Variants in NLRP5 observed in about 807,000 individuals in gnomAD.
NLRP5 encodes NACHT, LRR and PYD domains-containing protein 5.
A neutral mutation model predicts 113.1 loss-of-function variants in NLRP5; 93 were observed. The observed-to-expected ratio is 0.82, with a 90% CI of 0.70 to 0.98. The LOEUF (loss-of-function observed/expected upper bound fraction) is 0.98, where lower values mean the gene tolerates loss of function less well. Among genes scored for constraint, NLRP5 ranks in the 50% least tolerant of loss-of-function variants. The pLI, the probability that NLRP5 is intolerant of heterozygous loss-of-function variation, is 0.00. For synonymous variants in NLRP5, 751 were observed against 600.7 expected (o/e 1.25, Z -3.66); for missense variants, 1,808 against 1,514.3 (o/e 1.19, Z -3.22).
intron 12 of NLRP5, 130 bp downstream of exon 12, chr19:56,050,718 A>C (rs1404448057): frequency 2.4e-5 from 20 of 835,126 alleles, no homozygotes; most frequent in Non-Finnish European, 2.6e-5. Context: ...TCATTTTTCC[A>C]AGGGCAATCT....
intron 10 of NLRP5, 39 bp from the exon 11 acceptor site, chr19:56,040,883 G>A: frequency 6.4e-7 from 1 of 1,556,164 alleles, no homozygotes; most frequent in East Asian, 2.3e-5. Context: ...CTTTAAGAAG[G>A]CATCTCATCA....
At chr19:56,042,019 C>T (rs945859662) in intron 11 of NLRP5, among the ~76,000 whole-genome samples, 5 of 152,130 alleles carry the variant, frequency 3.3e-5, no homozygotes, top group Non-Finnish European at 7.4e-5. Flanking sequence ...ACTAAATACC[C>T]TCAAAAAGGA....
chr19:56,006,897 T>G (rs911987569), intron 2 of NLRP5, among the ~76,000 whole-genome samples: 10 of 151,272 alleles, frequency 6.6e-5, no homozygotes, highest in South Asian at 2.1e-4. Flanking sequence ...CCGCCAGCAC[T>G]CCTGGCTAAT....
chr19:55,995,742 ATCC>A (rs1185439597), upstream of NLRP5, among the ~76,000 whole-genome samples: 5 of 152,006 alleles, frequency 3.3e-5, no homozygotes, highest in South Asian at 2.1e-4. Context: ...ATTTTTATCT[ATCC>A]TCTTCAATTT....
chr19:56,051,309 C>G (rs1983924034), intron 12 of NLRP5, among the ~76,000 whole-genome samples: 2 of 152,188 alleles, frequency 1.3e-5, no homozygotes, highest in Admixed American at 6.5e-5. Context: ...TTTTCTGCCT[C>G]AGCCTCCTGA....
the NLRP5 span, among the ~76,000 whole-genome samples, chr19:55,991,564 C>T: frequency 1.3e-5 from 2 of 152,108 alleles, no homozygotes; most frequent in Admixed American, 6.6e-5. Flanking sequence ...CATGTTTTAC[C>T]TCTATAGTTG....
rs373407667 is a variant in NLRP5, at chr19:56,028,136, C to A, written c.1903C>A (p.Arg635Ser). The A allele has an allele frequency of 2.5e-5, 40 of 1,613,840 alleles. No homozygotes were observed. Among genetic ancestry groups the A allele is most frequent in the Non-Finnish European group, 3.3e-5 (39 of 1,179,904 alleles). The change falls in exon 7 of 15, where the codon CGT (arginine) becomes AGT (serine). Residue 635 changes from arginine to serine, a missense_variant. Transcript: ENST00000390649. ...CCATATCCACTCGCTTTGGATGAAG[C>A]GTTTCTTGTTTGGCCTCGTGAGCGA...
At chr19:56,015,696 T>C in intron 3 of NLRP5, 46 bp from the exon 4 acceptor site, 3 of 1,476,592 alleles carry the variant, frequency 2.0e-6, no homozygotes, top group Non-Finnish European at 2.8e-6. Flanking sequence ...ATTTGAATAA[T>C]ATACACAGTA....
chr19:55,991,236 G>A, the NLRP5 span, among the ~76,000 whole-genome samples: 3 of 152,100 alleles, frequency 2.0e-5, no homozygotes, highest in African/African-American at 7.2e-5. Flanking sequence ...ATGTAAAGTA[G>A]GAATTCATGA....
At position 56,032,539 on chromosome 19, in the gene NLRP5, C is replaced by T. The variant is rs918889630; in HGVS notation, c.2277-72C>T. 10 of 1,420,638 alleles carry T rather than the reference C, an allele frequency of 7.0e-6. No individual in the cohort carries two copies. The East Asian group carries it at 1.9e-4, about 27-fold the overall frequency. The allele number at this position is 1,420,638 out of a possible 1,614,324, so 88.0% of individuals were successfully genotyped here. On this transcript the variant is annotated intron_variant, in intron 7 of 14. Transcript: ENST00000390649. The stretch of plus-strand genomic sequence containing the variant: ...ACCTCGAGAGCTCGGTCCCTCTCCT[C>T]CGACGTGTTGCCACGACTGCTCATG...
At chr19:56,052,894 C>T (rs146908972) in intron 12 of NLRP5, among the ~76,000 whole-genome samples, 7 of 152,320 alleles carry the variant, frequency 4.6e-5, no homozygotes, top group Non-Finnish European at 7.3e-5. Context: ...GAATCTTGAC[C>T]TCATCTCCAA....
intron 12 of NLRP5, 108 bp from the exon 13 acceptor site, chr19:56,053,530 C>A: frequency 3.1e-6 from 3 of 960,410 alleles, no homozygotes; most frequent in Non-Finnish European, 4.6e-6. Context: ...AAAACAGTGG[C>A]CCGTCAGGAA....
chr19:56,026,143 C>T (rs188472230), intron 6 of NLRP5, among the ~76,000 whole-genome samples: 1 of 152,196 alleles, frequency 6.6e-6, no homozygotes, highest in Admixed American at 6.5e-5. Context: ...CAGCACCTGG[C>T]TAGGAAGAAA....
At chr19:56,034,848 G>A (rs1324102323) in intron 9 of NLRP5, among the ~76,000 whole-genome samples, 5 of 152,196 alleles carry the variant, frequency 3.3e-5, no homozygotes, top group Non-Finnish European at 5.9e-5. Flanking sequence ...GTCGGTCCCA[G>A]TTTGTGGCTC....
At chr19:56,022,881 C>T (rs1324923336) in intron 6 of NLRP5, among the ~76,000 whole-genome samples, 3 of 152,144 alleles carry the variant, frequency 2.0e-5, no homozygotes, top group Non-Finnish European at 4.4e-5. Context: ...TGTGCCACCA[C>T]ACCCGGCTAA....
intron 6 of NLRP5, among the ~76,000 whole-genome samples, chr19:56,020,772 T>G (rs1903158369): frequency 1.3e-5 from 2 of 151,544 alleles, no homozygotes; most frequent in Non-Finnish European, 2.9e-5. Flanking sequence ...TAGTAATTAT[T>G]TTTGTAATTC....
At chr19:56,031,218 T>G (rs1168575095) in intron 7 of NLRP5, among the ~76,000 whole-genome samples, 1 of 152,064 alleles carries the variant, frequency 6.6e-6, no homozygotes, top group African/African-American at 2.4e-5. Flanking sequence ...TCTCTAGAAC[T>G]TTTTCATCTC....
In NLRP5 at chr19:56,008,969, A is replaced by G. The variant is rs1034412009; in HGVS notation, c.508+116A>G. 3.5e-6 allele frequency: 3 copies of G among 864,848 alleles called. No homozygotes were observed. The African/African-American group carries it at 5.0e-5, about 14-fold the overall frequency. 53.6% of individuals were successfully genotyped at this position (864,848 alleles called of 1,614,324 possible). ...ATAGTCTAGTGTTCTTTCTAGTCTA[A>G]CTACCCTACATTAGCTGACCGGATG... On this transcript the variant is annotated intron_variant, in intron 3 of 14. Transcript: ENST00000390649.
At chr19:56,054,427 G>A (rs975252017) in intron 13 of NLRP5, among the ~76,000 whole-genome samples, 9 of 151,966 alleles carry the variant, frequency 5.9e-5, no homozygotes, top group Non-Finnish European at 1.2e-4. Context: ...GTGTGGTGGC[G>A]CATGCTTGTA....
Sources: gnomAD v4.1 joint callset for allele counts (sites outside exome capture counted in the v4.1 genomes callset) on GRCh38, gnomAD v4.1.1 for gene constraint, MANE v1.5 for transcripts, NCBI Gene and HGNC (gene_info 2026-07-23, HGNC 2026-07-21) for gene names.